Variants in FGF12 observed in about 807,000 individuals in gnomAD.
FGF12 encodes the protein fibroblast growth factor 12B.
In FGF12, 14 loss-of-function variants were observed where a neutral mutation model predicts 23.6. That is an observed-to-expected ratio of 0.59 (90% CI 0.39 to 0.93). FGF12 has a LOEUF of 0.93. FGF12 is among the 40% of genes least tolerant of loss of function. FGF12 has a pLI of 0.00. For missense variants in FGF12, 175 were observed against 217.8 expected (o/e 0.80, Z 1.24); for synonymous variants, 62 against 77.3 (o/e 0.80, Z 1.04).
chr3:192,562,983 A>G (rs1008570488), intron 2 of FGF12, among the ~76,000 whole-genome samples: 2 of 152,210 alleles, frequency 1.3e-5, no homozygotes, highest in Non-Finnish European at 2.9e-5. Context: ...TGTTTGCCAC[A>G]TGAGTATGAC....
chr3:192,666,069 A>C (rs1716862036), intron 2 of FGF12, among the ~76,000 whole-genome samples: 1 of 152,200 alleles, frequency 6.6e-6, no homozygotes, highest in Non-Finnish European at 1.5e-5. Context: ...GAAGAGAGAA[A>C]GATTTTTGGA....
At chr3:192,218,065 A>G (rs1718285213) in intron 4 of FGF12, among the ~76,000 whole-genome samples, 1 of 152,116 alleles carries the variant, frequency 6.6e-6, no homozygotes, top group African/African-American at 2.4e-5. Context: ...TCGAACTCCC[A>G]ACCTCAGGTG....
intron 5 of FGF12, among the ~76,000 whole-genome samples, chr3:192,147,632 T>C (rs550147056): frequency 7.9e-4 from 121 of 152,250 alleles, no homozygotes; most frequent in African/African-American, 2.7e-3. Context: ...CCAGTGAATA[T>C]AGTAGGTGAG....
chr3:192,158,342 CTTTCTTTCTT>C (rs1714570383), intron 5 of FGF12, among the ~76,000 whole-genome samples: 3 of 79,460 alleles, frequency 3.8e-5, no homozygotes. Flanking sequence ...CTCTTTCTTT[CTTTCTTTCTT>C]TCTTTCTTTC....
At chr3:192,630,460 T>A (rs1302805479) in intron 2 of FGF12, among the ~76,000 whole-genome samples, 1 of 151,900 alleles carries the variant, frequency 6.6e-6, no homozygotes, top group African/African-American at 2.4e-5. Flanking sequence ...CCCAGGGTCA[T>A]GCCCCTGATA....
At chr3:192,388,205 G>C (rs542358221) in intron 2 of FGF12, among the ~76,000 whole-genome samples, 79 of 152,198 alleles carry the variant, frequency 5.2e-4, no homozygotes, top group Non-Finnish European at 5.6e-4. Flanking sequence ...AGGCTGAAGT[G>C]AGCTGCGATC....
chr3:192,309,887 A>C (rs2108670436), intron 4 of FGF12, among the ~76,000 whole-genome samples: 1 of 152,286 alleles, frequency 6.6e-6, no homozygotes, highest in Middle Eastern at 3.4e-3. Flanking sequence ...TCCTTCTTAA[A>C]ACTCTGTACT....
chr3:192,528,497 G>A lies in FGF12; in HGVS notation c.14-167959C>T, dbSNP rs116407842. On this transcript the variant is annotated intron_variant, in intron 2 of 5. Transcript: ENST00000445105. ...GTGTCTGCAGCTTTTCTAGGTACAC[G>A]GTACAACCTGTCAGTGGATCTACCA... Among the ~76,000 whole-genome samples, 632 of 152,174 alleles carry A rather than the reference G, an allele frequency of 4.2e-3. 2 individuals are homozygous for A. Among genetic ancestry groups the A allele is most frequent in the African/African-American group, 0.014 (597 of 41,514 alleles).
At chr3:192,673,055 T>G (rs1480932758) in intron 2 of FGF12, 1 of 150,906 alleles carries the variant, frequency 6.6e-6, no homozygotes, top group Non-Finnish European at 1.5e-5. Flanking sequence ...AGTTGAAGAC[T>G]CTCCCTGGGA....
intron 2 of FGF12, among the ~76,000 whole-genome samples, chr3:192,406,246 C>G (rs1720951724): frequency 6.6e-6 from 1 of 151,772 alleles, no homozygotes; most frequent in Admixed American, 6.6e-5. Context: ...CAAGTCAACT[C>G]CAGAGATCAG....
intron 2 of FGF12, among the ~76,000 whole-genome samples, chr3:192,567,758 T>TTTC (rs1292199675): frequency 7.8e-6 from 1 of 128,308 alleles, no homozygotes; most frequent in Non-Finnish European, 1.7e-5. Flanking sequence ...TCTTTCTTTC[T>TTTC]TTCTTTCTTT....
chr3:192,412,595 A>G (rs1387668967), intron 2 of FGF12, among the ~76,000 whole-genome samples: 1 of 152,234 alleles, frequency 6.6e-6, no homozygotes, highest in Non-Finnish European at 1.5e-5. Flanking sequence ...TGGCTTTTTA[A>G]GTCATCATCA....
chr3:192,509,557 G>A (rs1481653764), intron 2 of FGF12, among the ~76,000 whole-genome samples: 1 of 152,158 alleles, frequency 6.6e-6, no homozygotes, highest in African/African-American at 2.4e-5. Context: ...GAATGACTGA[G>A]TTTTTCAGAG....
At chr3:192,459,611 G>A (rs1424748308) in intron 2 of FGF12, among the ~76,000 whole-genome samples, 1 of 152,126 alleles carries the variant, frequency 6.6e-6, no homozygotes, top group Non-Finnish European at 1.5e-5. Flanking sequence ...TTCTGCATGA[G>A]CCTTGTCTTT....
At chr3:192,622,549 C>T (rs1420977660) in intron 2 of FGF12, among the ~76,000 whole-genome samples, 1 of 152,130 alleles carries the variant, frequency 6.6e-6, no homozygotes, top group Non-Finnish European at 1.5e-5. Flanking sequence ...TTCAAGTTTA[C>T]CCCAGTCTTG....
chr3:192,682,093 C>T (rs1335160377), intron 2 of FGF12, among the ~76,000 whole-genome samples: 1 of 152,150 alleles, frequency 6.6e-6, no homozygotes, highest in African/African-American at 2.4e-5. Flanking sequence ...CTTGATTTCT[C>T]TTTTATAATA....
intron 4 of FGF12, among the ~76,000 whole-genome samples, chr3:192,270,887 G>C (rs1713395008): frequency 6.6e-6 from 1 of 152,188 alleles, no homozygotes; most frequent in African/African-American, 2.4e-5. Flanking sequence ...GAGATATAAT[G>C]GGTGTTGGTG....
At chr3:192,316,135 G>A (rs776259722) in intron 4 of FGF12, among the ~76,000 whole-genome samples, 1 of 152,080 alleles carries the variant, frequency 6.6e-6, no homozygotes, top group East Asian at 1.9e-4. Context: ...GATGGTTAGA[G>A]TCCCTTTATC....
chr3:192,288,561 A>G (rs1329542584), intron 4 of FGF12, among the ~76,000 whole-genome samples: 4 of 152,102 alleles, frequency 2.6e-5, no homozygotes, highest in Non-Finnish European at 5.9e-5. Context: ...TGATGATTCC[A>G]CGTTTCCACT....
Sources: allele counts gnomAD v4.1 joint callset (sites outside exome capture counted in the v4.1 genomes callset), GRCh38; gene constraint gnomAD v4.1.1; transcripts MANE v1.5; gene names NCBI Gene and HGNC (gene_info 2026-07-23, HGNC 2026-07-21).